The following IRF2BPL variants were observed in gnomAD, a reference collection of about 807,000 sequenced individuals.
IRF2BPL encodes probable E3 ubiquitin-protein ligase IRF2BPL.
In IRF2BPL, 13 loss-of-function variants were observed where a neutral mutation model predicts 51.2. The ratio of observed to expected loss-of-function variants is 0.25; its 90% confidence interval spans 0.17 to 0.40. The LOEUF (loss-of-function observed/expected upper bound fraction) is 0.40. Among genes scored for constraint, IRF2BPL ranks in the 10% least tolerant of loss-of-function variants. The probability of loss-of-function intolerance (pLI) is 1.00; values close to 1 mark genes in which losing one functional copy is unlikely to be tolerated. For synonymous variants in IRF2BPL, 768 were observed against 509.2 expected, an observed-to-expected ratio of 1.51 and a Z score of -6.84; for missense variants, 1,210 against 1,111.8, an observed-to-expected ratio of 1.09 and a Z score of -1.26.
Position 77,027,598 on chromosome 14 carries a change from C to T in IRF2BPL, c.195G>A (p.Gln65=), listed in dbSNP as rs1389987795. 1.3e-6 allele frequency: 2 copies of T among 1,592,018 alleles called. No homozygotes were observed. Among genetic ancestry groups the T allele is most frequent in the African/African-American group, 1.4e-5 (1 of 73,304 alleles). The change falls in exon 1 of 1, where the codon CAG becomes CAA. Residue 65 remains glutamine, a synonymous_variant. Coordinates refer to ENST00000238647, the MANE Select transcript of IRF2BPL (RefSeq NM_024496.4). Reference sequence around the variant, plus strand: ...GCGGCGGCCCGGGGGAGCGGCCGTCCTGGAAGCAGCCGTGCGCCCGCTTCA... The same window carrying T: ...GCGGCGGCCCGGGGGAGCGGCCGTCTTGGAAGCAGCCGTGCGCCCGCTTCA... ...RQLKRAHGCF[Q]DGRSPGPPPP... is the part of the protein sequence containing the mutation.
In IRF2BPL at chr14:77,026,323, G is replaced by A. The variant is rs1323039940; in HGVS notation, c.1470C>T (p.Pro490=). Reference sequence around the variant, plus strand: ...AGGGCTGGGGCAGCATGTCGGCGCCGGGCACGCCCTCCTTGAAGAAGCGCA... The same window carrying A: ...AGGGCTGGGGCAGCATGTCGGCGCCAGGCACGCCCTCCTTGAAGAAGCGCA... ...EAVRFFKEGV[P]GADMLPQPYL... is the part of the protein sequence containing the mutation. The change falls in exon 1 of 1, where the codon CCC becomes CCT. Residue 490 remains proline (P), a synonymous_variant. Transcript: ENST00000238647. 5 of 1,574,942 alleles carry A rather than the reference G, an allele frequency of 3.2e-6. No individual in the cohort carries two copies. Among genetic ancestry groups the A allele is most frequent in the East Asian group, 2.3e-5 (1 of 43,538 alleles).
chr14:77,026,530 A>G lies in IRF2BPL; in HGVS notation c.1263T>C (p.Ile421=). Reference sequence around the variant, plus strand: ...CGTTGCCCGAGCCCGTGGGGTACTCAATGAACAGCTTCAATTCGTAGTCCA... The same window carrying G: ...CGTTGCCCGAGCCCGTGGGGTACTCGATGAACAGCTTCAATTCGTAGTCCA... ...PGMDYELKLF[I]EYPTGSGNVY... Residue 421 remains isoleucine (I), a synonymous_variant, in exon 1 of 1, where the codon ATT becomes ATC. Transcript: ENST00000238647. 6.2e-7 allele frequency: 1 copy of G among 1,613,744 alleles called. No individual in the cohort carries two copies. Among genetic ancestry groups the G allele is most frequent in the Non-Finnish European group, 8.5e-7 (1 of 1,180,004 alleles).
At position 77,025,912 on chromosome 14, in the gene IRF2BPL, G is replaced by C; in HGVS notation, c.1881C>G (p.Leu627=). ...TGCCCAGAGTATCTGCCACCGACAT[G>C]AGAGCGGCCATAGGGGACGGACCGT... The part of the protein sequence containing the change: ...PQNGPSPMAA[L]MSVADTLGTA... The change falls in exon 1 of 1, where the codon CTC becomes CTG. Residue 627 remains leucine, a synonymous_variant. Coordinates refer to ENST00000238647, the MANE Select transcript of IRF2BPL (RefSeq NM_024496.4). 1 of 1,611,722 alleles carries C rather than the reference G, an allele frequency of 6.2e-7. No individual in the cohort carries two copies.
rs934800498 is a variant in IRF2BPL, at chr14:77,027,343, G to A, written c.450C>T (p.Gly150=). The A allele has an allele frequency of 6.5e-7, 1 of 1,529,076 alleles. No homozygotes were observed. Among genetic ancestry groups the A allele is most frequent in the Non-Finnish European group, 8.8e-7 (1 of 1,142,600 alleles). The allele number at this position is 1,529,076 out of a possible 1,614,324, so 94.7% of individuals were successfully genotyped here. Residue 150 remains glycine, a synonymous_variant, in exon 1 of 1, where the codon GGC becomes GGT. Coordinates refer to ENST00000238647, the MANE Select transcript of IRF2BPL (RefSeq NM_024496.4). ...CGGCGGCGGCGGCGGCAGCGCTTAG[G>A]CCGTAGCGCTCCAGGCCAGACGGGG... ...LAAPSGLERY[G]LSAAAAAAAA... is the part of the protein sequence containing the mutation.
In IRF2BPL at chr14:77,026,132, G is replaced by A. The variant is rs1397750185; in HGVS notation, c.1661C>T (p.Ala554Val). The A allele has an allele frequency of 6.4e-7, 1 of 1,562,288 alleles. No individual in the cohort carries two copies. The highest frequency in any genetic ancestry group is 2.4e-5 in the East Asian group (1 of 42,182). ...CTCGCCCAGCTTCAGCGCGCCCTCG[G>A]CTGAGTCCGGGGGCTCCGGAGAGGC... ...RKASPEPPDSAEGALKLGEEQ... is the reference protein window; with the variant it reads ...RKASPEPPDSVEGALKLGEEQ... The change falls in exon 1 of 1, where the codon GCC (alanine) becomes GTC (valine). Residue 554 changes from alanine (A) to valine (V), a missense_variant. Physicochemically the swap from Ala to Val is moderately conservative, Grantham distance 64 (BLOSUM62 0). Transcript: ENST00000238647.
rs147559103 is a variant in IRF2BPL at position 77,026,840 on chromosome 14, G to A, written c.953C>T (p.Ser318Leu). The stretch of plus-strand genomic sequence containing the variant: ...ACCCACGCCCACCTCTGCCACCGAC[G>A]AAGAGGTCGAAGACGACGCGGAGGA... ...TSSSASSSTS[S>L]SVAEVGVGAG... The change falls in exon 1 of 1, where the codon TCG becomes TTG. Residue 318 changes from serine (S) to leucine (L), a missense_variant. Physicochemically the swap from Ser to Leu is moderately radical, Grantham distance 145. Transcript: ENST00000238647. 1.3e-4 allele frequency: 213 copies of A among 1,609,492 alleles called. No homozygotes were observed. The African/African-American group carries it at 1.6e-3, about 12-fold the overall frequency.
At position 77,027,817 on chromosome 14, in the gene IRF2BPL, C is replaced by A; in HGVS notation, c.-25G>T. ...TGATGCCTGCCCTGGGGAAGGTAGG[C>A]CCCCGCCCGGGCTGTCTCCGCGGCG... On this transcript the variant is annotated 5_prime_UTR_variant, in exon 1 of 1. Coordinates refer to ENST00000238647, the MANE Select transcript of IRF2BPL (RefSeq NM_024496.4). The A allele has an allele frequency of 1.3e-6, 2 of 1,496,050 alleles. No individual in the cohort carries two copies. The highest frequency in any genetic ancestry group is 2.6e-5 in the East Asian group (1 of 38,262). 92.7% of individuals were successfully genotyped at this position (1,496,050 alleles called of 1,614,324 possible).
rs1282544566 is a variant in IRF2BPL at position 77,025,329 on chromosome 14, G to T, written c.*73C>A. On this transcript the variant is annotated 3_prime_UTR_variant, in exon 1 of 1. Transcript: ENST00000238647. Reference sequence around the variant, plus strand: ...TGGGGGTGAGGGGAGGGAGGGTCGAGTTGGGTTGGGGGAGGGGCCCTCAGG... The same window carrying T: ...TGGGGGTGAGGGGAGGGAGGGTCGATTTGGGTTGGGGGAGGGGCCCTCAGG... 5 of 1,123,042 alleles carry T rather than the reference G, an allele frequency of 4.5e-6. No individual in the cohort carries two copies. Among genetic ancestry groups the T allele is most frequent in the Non-Finnish European group, 6.3e-6 (5 of 797,722 alleles). 69.6% of individuals were successfully genotyped at this position (1,123,042 alleles called of 1,614,324 possible). A position where few individuals can be genotyped will look rare whatever the true frequency, so the allele number is the denominator to read the frequency against.
At position 77,025,728 on chromosome 14, in the gene IRF2BPL, T is replaced by G; in HGVS notation, c.2065A>C (p.Ser689Arg). ...ACTTGGTCCATGCCCGGGTGGGCGC[T>G]AGGCGGCGGGGGCGCCACCTGTAAA... Reference protein sequence around the residue: ...LNLQVAPPPPSAHPGMDQVHP... With the variant: ...LNLQVAPPPPRAHPGMDQVHP... The change falls in exon 1 of 1, where the codon AGC becomes CGC. Residue 689 changes from serine to arginine, a missense_variant. By Grantham distance (110) the Ser-to-Arg change is moderately radical. Transcript: ENST00000238647. 1 of 1,579,108 alleles carries G rather than the reference T, an allele frequency of 6.3e-7. No individual in the cohort carries two copies. Among genetic ancestry groups the G allele is most frequent in the Non-Finnish European group, 8.6e-7 (1 of 1,161,666 alleles).
At position 77,028,668 on chromosome 14, in the gene IRF2BPL, G is replaced by C. The variant is rs1362834014; in HGVS notation, c.-876C>G. The C allele has an allele frequency of 2.6e-6, 1 of 380,562 alleles. No homozygotes were observed. The highest frequency in any genetic ancestry group is 2.1e-5 in the African/African-American group (1 of 47,798). 23.6% of individuals were successfully genotyped at this position (380,562 alleles called of 1,614,324 possible). A position where few individuals can be genotyped will look rare whatever the true frequency, so the allele number is the denominator to read the frequency against. On this transcript the variant is annotated 5_prime_UTR_variant, in exon 1 of 1. Coordinates refer to ENST00000238647, the MANE Select transcript of IRF2BPL (RefSeq NM_024496.4). ...TTGTTACTCTACGTTCCGGAGGCGC[G>C]TCTCGGCGCTCCTGCTCCGGCTGCG...
Position 77,025,359 on chromosome 14 carries a change from G to C in IRF2BPL, c.*43C>G. ...GTTGGGGGAGGGGCCCTCAGGATTG[G>C]AGAGGAGCTGGTCTAGGGCAAAGGA... On this transcript the variant is annotated 3_prime_UTR_variant, in exon 1 of 1. Coordinates refer to ENST00000238647, the MANE Select transcript of IRF2BPL (RefSeq NM_024496.4). 2.9e-5 allele frequency: 41 copies of C among 1,418,774 alleles called. No homozygotes were observed. The highest frequency in any genetic ancestry group is 3.7e-5 in the Non-Finnish European group (39 of 1,052,260). The allele number at this position is 1,418,774 out of a possible 1,614,324, so 87.9% of individuals were successfully genotyped here. A position where few individuals can be genotyped will look rare whatever the true frequency, so the allele number is the denominator to read the frequency against.
chr14:77,026,698 G>A lies in IRF2BPL; in HGVS notation c.1095C>T (p.Ala365=), dbSNP rs774873211. The change falls in exon 1 of 1, where the codon GCC becomes GCT. Residue 365 remains alanine (A), a synonymous_variant. Transcript: ENST00000238647. The stretch of plus-strand genomic sequence containing the variant: ...TCTTGGGCTTGCTGGCCCACTCCTC[G>A]GCGCGGTTGCGCAGGCTCTCGCTCA... ...AELSESLRNR[A]EEWASKPKMV... is the part of the protein sequence containing the mutation. The A allele has an allele frequency of 4.3e-6, 7 of 1,612,660 alleles. No homozygotes were observed. The South Asian group carries it at 5.5e-5, about 13-fold the overall frequency.
Position 77,026,864 on chromosome 14 carries a change from G to T in IRF2BPL, c.929C>A (p.Ser310Tyr). Residue 310 changes from serine (S) to tyrosine (Y), a missense_variant, in exon 1 of 1, where the codon TCC becomes TAC. By Grantham distance (144) the Ser-to-Tyr change is moderately radical (BLOSUM62 -2). Coordinates refer to ENST00000238647, the MANE Select transcript of IRF2BPL (RefSeq NM_024496.4). ...CGAAGAGGTCGAAGACGACGCGGAG[G>T]ACGACGTGGCCGATACACCCGGGGT... ...GGTPGVSATS[S>Y]SASSSTSSSV... 6.3e-7 allele frequency: 1 copy of T among 1,593,924 alleles called. No individual in the cohort carries two copies. The highest frequency in any genetic ancestry group is 1.7e-4 in the Middle Eastern group (1 of 6,008).
chr14:77,025,837 C>A lies in IRF2BPL; in HGVS notation c.1956G>T (p.Ser652=), dbSNP rs751048955. The A allele has an allele frequency of 3.1e-6, 5 of 1,612,600 alleles. No homozygotes were observed. The highest frequency in any genetic ancestry group is 4.2e-6 in the Non-Finnish European group (5 of 1,179,800). Residue 652 remains serine (S), a synonymous_variant, in exon 1 of 1, where the codon TCG becomes TCT. Coordinates refer to ENST00000238647, the MANE Select transcript of IRF2BPL (RefSeq NM_024496.4). ...CTGGGCTGCTGCTGTTTCGCCGCGCCGACGCAGTGGTAGAGTGCACGGAAC... is the reference window on the plus strand; with the variant it reads ...CTGGGCTGCTGCTGTTTCGCCGCGCAGACGCAGTGGTAGAGTGCACGGAAC... ...DGSSVHSTTA[S]ARRNSSSPVS...
Position 77,027,539 on chromosome 14 carries a change from GCCGACAGGGCCACTGTCTTGA to G in IRF2BPL, c.233_253del (p.Val78_Ser84del), listed in dbSNP as rs1885189625. 1 of 717,860 alleles carries G rather than the reference GCCGACAGGGCCACTGTCTTGA, an allele frequency of 1.4e-6. No homozygotes were observed. Among genetic ancestry groups the G allele is most frequent in the Admixed American group, 6.3e-5 (1 of 15,942 alleles). The allele number at this position is 717,860 out of a possible 1,614,324, so 44.5% of individuals were successfully genotyped here. A position where few individuals can be genotyped will look rare whatever the true frequency, so the allele number is the denominator to read the frequency against. ...TGCCGCCGCCGCCGCCGCTTCCTTA[GCCGACAGGGCCACTGTCTTGA>G]CCCCGACGGGCGGCGGCGGCCCGGG... is the stretch of plus-strand genomic sequence containing the variant. On this transcript the variant is annotated inframe_deletion, in exon 1 of 1. Coordinates refer to ENST00000238647, the MANE Select transcript of IRF2BPL (RefSeq NM_024496.4).
In IRF2BPL at chr14:77,025,488, A is replaced by G; in HGVS notation, c.2305T>C (p.Ser769Pro). ...PSGEKCPLVG[S>P]NVPWAFMQGE... ...TGCATGAAGGCCCAAGGTACATTCG[A>G]CCCGACTAGGGGGCATTTCTCTCCG... The change falls in exon 1 of 1, where the codon TCG becomes CCG. Residue 769 changes from serine to proline, a missense_variant. By Grantham distance (74) the Ser-to-Pro change is moderately conservative. Coordinates refer to ENST00000238647, the MANE Select transcript of IRF2BPL (RefSeq NM_024496.4). 3 of 1,612,652 alleles carry G rather than the reference A, an allele frequency of 1.9e-6. No homozygotes were observed. Among genetic ancestry groups the G allele is most frequent in the Non-Finnish European group, 2.5e-6 (3 of 1,179,398 alleles).
chr14:77,027,873 G>T lies in IRF2BPL; in HGVS notation c.-81C>A. On this transcript the variant is annotated 5_prime_UTR_variant, in exon 1 of 1. Transcript: ENST00000238647. Reference sequence around the variant, plus strand: ...TCCTCCGGGAGGACTGGCCGGCTGGGGAGGGAGTCCGACTGCGGGGGAGGG... The same window carrying T: ...TCCTCCGGGAGGACTGGCCGGCTGGTGAGGGAGTCCGACTGCGGGGGAGGG... 1 of 1,406,374 alleles carries T rather than the reference G, an allele frequency of 7.1e-7. No individual in the cohort carries two copies. Among genetic ancestry groups the T allele is most frequent in the Non-Finnish European group, 9.3e-7 (1 of 1,075,690 alleles). The allele number at this position is 1,406,374 out of a possible 1,614,324, so 87.1% of individuals were successfully genotyped here.
chr14:77,026,908 G>A lies in IRF2BPL; in HGVS notation c.885C>T (p.Gly295=), dbSNP rs1279960100. 2 of 1,493,208 alleles carry A rather than the reference G, an allele frequency of 1.3e-6. No individual in the cohort carries two copies. The highest frequency in any genetic ancestry group is 2.4e-5 in the East Asian group (1 of 40,984). 92.5% of individuals were successfully genotyped at this position (1,493,208 alleles called of 1,614,324 possible). ...PTPAPPGAPG[G]PACLGGTPGV... Reference sequence around the variant, plus strand: ...CCGGGGTACCCCCGAGACAAGCGGGGCCCCCAGGAGCCCCTGGGGGAGCAG... The same window carrying A: ...CCGGGGTACCCCCGAGACAAGCGGGACCCCCAGGAGCCCCTGGGGGAGCAG... The change falls in exon 1 of 1, where the codon GGC becomes GGT. Residue 295 remains glycine (G), a synonymous_variant. Transcript: ENST00000238647.
At position 77,027,696 on chromosome 14, in the gene IRF2BPL, G is replaced by A. The variant is rs1885196409; in HGVS notation, c.97C>T (p.Pro33Ser). 1 of 1,610,574 alleles carries A rather than the reference G, an allele frequency of 6.2e-7. No individual in the cohort carries two copies. Among genetic ancestry groups the A allele is most frequent in the Non-Finnish European group, 8.5e-7 (1 of 1,178,920 alleles). Residue 33 changes from proline to serine, a missense_variant, in exon 1 of 1, where the codon CCC (proline) becomes TCC (serine). By Grantham distance (74) the Pro-to-Ser change is moderately conservative (BLOSUM62 -1). Transcript: ENST00000238647. Reference sequence around the variant, plus strand: ...TAGTTGACGCAACCGCGGCATACGGGTTCCGAGAAGTCCCAGATCATGGCC... The same window carrying A: ...TAGTTGACGCAACCGCGGCATACGGATTCCGAGAAGTCCCAGATCATGGCC... ...PWAMIWDFSE[P>S]VCRGCVNYEG...
Sources: gnomAD v4.1 joint callset for allele counts on GRCh38, gnomAD v4.1.1 for gene constraint, MANE v1.5 for transcripts, NCBI Gene and HGNC (gene_info 2026-07-23, HGNC 2026-07-21) for gene names.